Variants in TMA7B observed in about 807,000 individuals in gnomAD.
The protein encoded by TMA7B is translation machinery associated 7 homolog B.
chr22:39,962,915 C>T, the TMA7B span, among the ~76,000 whole-genome samples: 5 of 152,124 alleles, frequency 3.3e-5, no homozygotes, highest in South Asian at 2.1e-4. Flanking sequence ...GTAATCCACC[C>T]GCCTCAGCCT....
the TMA7B span, among the ~76,000 whole-genome samples, chr22:39,963,612 C>G: frequency 1.3e-5 from 2 of 152,156 alleles, no homozygotes; most frequent in East Asian, 1.9e-4. Flanking sequence ...CAAGAGGCCA[C>G]TTGTACAACC....
chr22:39,963,814 G>A, the TMA7B span: 76 of 152,538 alleles, frequency 5.0e-4, no homozygotes, highest in African/African-American at 1.5e-3. Context: ...TCAGGAGATC[G>A]AGACCATCCT....
the TMA7B span, among the ~76,000 whole-genome samples, chr22:39,961,476 A>G: frequency 6.6e-5 from 10 of 152,240 alleles, no homozygotes; most frequent in African/African-American, 2.4e-4. Context: ...GGCTACTTCA[A>G]CACAGTACAG....
At chr22:39,962,388 G>A in the TMA7B span, among the ~76,000 whole-genome samples, 1 of 152,050 alleles carries the variant, frequency 6.6e-6, no homozygotes, top group Non-Finnish European at 1.5e-5. Flanking sequence ...TCGCACCACT[G>A]CACTCTAGCC....
At chr22:39,962,489 A>G in the TMA7B span, among the ~76,000 whole-genome samples, 1 of 152,118 alleles carries the variant, frequency 6.6e-6, no homozygotes, top group African/African-American at 2.4e-5. Flanking sequence ...TTATACATAT[A>G]TTTAACATGC....
the TMA7B span, among the ~76,000 whole-genome samples, chr22:39,961,369 A>G: frequency 2.0e-5 from 3 of 152,088 alleles, no homozygotes; most frequent in Admixed American, 1.3e-4. Flanking sequence ...AAACCTTCCC[A>G]TCTCCTTTGG....
chr22:39,961,570 C>G, the TMA7B span, among the ~76,000 whole-genome samples: 4 of 152,140 alleles, frequency 2.6e-5, no homozygotes, highest in Admixed American at 1.3e-4. Flanking sequence ...GTGCAGCAAC[C>G]CATAGGAAGT....
At chr22:39,963,232 T>G in the TMA7B span, among the ~76,000 whole-genome samples, 1 of 152,214 alleles carries the variant, frequency 6.6e-6, no homozygotes, top group African/African-American at 2.4e-5. Flanking sequence ...GTTAAGGGCC[T>G]GAAACACCAG....
At chr22:39,961,498 C>T in the TMA7B span, among the ~76,000 whole-genome samples, 6 of 152,140 alleles carry the variant, frequency 3.9e-5, no homozygotes, top group Non-Finnish European at 8.8e-5. Context: ...ACAGCAAGAC[C>T]GAAAACCACA....
chr22:39,964,708 A>C, the TMA7B span: 2 of 381,712 alleles, frequency 5.2e-6, no homozygotes, highest in South Asian at 1.4e-4. Context: ...TTAAGAATAA[A>C]CTTTTGTAAA....
the TMA7B span, chr22:39,964,215 A>G: frequency 3.6e-6 from 2 of 560,104 alleles, no homozygotes; most frequent in Admixed American, 6.9e-5. Context: ...ATCTAATGGT[A>G]AAGGCTCAGC....
At chr22:39,963,721 C>G in the TMA7B span, among the ~76,000 whole-genome samples, 243 of 152,276 alleles carry the variant, frequency 1.6e-3, 2 homozygotes, top group Middle Eastern at 0.01. Flanking sequence ...AAATCCATCC[C>G]TAAGAAACCT....
the TMA7B span, chr22:39,963,924 G>A: frequency 6.5e-6 from 1 of 153,490 alleles, no homozygotes; most frequent in Admixed American, 6.5e-5. Flanking sequence ...GCTGAGGCAG[G>A]AGAATGGCAT....
the TMA7B span, among the ~76,000 whole-genome samples, chr22:39,962,437 T>A: frequency 6.6e-6 from 1 of 151,764 alleles, no homozygotes; most frequent in African/African-American, 2.4e-5. Context: ...GAGAAAAAAA[T>A]TATTTACATA....
At chr22:39,962,938 G>A in the TMA7B span, among the ~76,000 whole-genome samples, 1 of 152,092 alleles carries the variant, frequency 6.6e-6, no homozygotes, top group Non-Finnish European at 1.5e-5. Context: ...CAAAGTGCTA[G>A]GATTACAGGC....
At chr22:39,962,837 G>A in the TMA7B span, among the ~76,000 whole-genome samples, 1 of 152,088 alleles carries the variant, frequency 6.6e-6, no homozygotes, top group African/African-American at 2.4e-5. Flanking sequence ...TTGTGTGTGT[G>A]TGGTTTTTTT....
the TMA7B span, chr22:39,964,252 A>G: frequency 3.3e-6 from 2 of 604,178 alleles, no homozygotes; most frequent in Non-Finnish European, 5.8e-6. Context: ...GATAAAATCC[A>G]TTTTCTCTAG....
chr22:39,963,047 C>T, the TMA7B span, among the ~76,000 whole-genome samples: 1 of 152,284 alleles, frequency 6.6e-6, no homozygotes, highest in South Asian at 2.1e-4. Flanking sequence ...GAAGTCTTCC[C>T]CTGATATTCA....
chr22:39,964,578 T>C, the TMA7B span: 2 of 800,656 alleles, frequency 2.5e-6, no homozygotes, highest in Non-Finnish European at 4.5e-6. Flanking sequence ...AAGCTGTTCC[T>C]TGTGCCTAAG....
Sources: gnomAD v4.1 joint callset for allele counts (sites outside exome capture counted in the v4.1 genomes callset) on GRCh38, gnomAD v4.1.1 for gene constraint, MANE v1.5 for transcripts, NCBI Gene and HGNC (gene_info 2026-07-23, HGNC 2026-07-21) for gene names.